The following KRT74 variants were observed in gnomAD, a reference collection of about 807,000 sequenced individuals.
KRT74 encodes the protein keratin, type II cytoskeletal 74.
In KRT74, 43 loss-of-function variants were observed where a neutral mutation model predicts 42.7. The observed-to-expected ratio is 1.01, with a 90% CI of 0.79 to 1.30. KRT74 has a LOEUF of 1.30. Among genes scored for constraint, KRT74 ranks in the 50% most tolerant of loss-of-function variants. KRT74 has a pLI of 0.00. For missense variants in KRT74, 736 were observed against 689.1 expected (o/e 1.07, Z -0.76); for synonymous variants, 302 against 279.0 (o/e 1.08, Z -0.82).
chr12:52,567,589 T>C (rs1488632478), intron 8 of KRT74, 70 bp downstream of exon 8: 1 of 1,102,354 alleles, frequency 9.1e-7, no homozygotes, highest in Non-Finnish European at 1.4e-6. Context: ...AGACAGTAAA[T>C]GGAGGTGACA....
chr12:52,571,916 C>T, intron 3 of KRT74, 28 bp downstream of exon 3: 2 of 1,426,686 alleles, frequency 1.4e-6, no homozygotes, highest in Non-Finnish European at 2.0e-6. Flanking sequence ...GCGAGAGACC[C>T]TAATAAGGAG....
intron 1 of KRT74, among the ~76,000 whole-genome samples, chr12:52,573,004 T>C (rs1359647367): frequency 6.6e-6 from 1 of 152,210 alleles, no homozygotes; most frequent in Non-Finnish European, 1.5e-5. Context: ...TGGATTCTAT[T>C]AGCCTTTCAT....
In KRT74 at chr12:52,570,835, T is replaced by A. The variant is rs1374023664; in HGVS notation, c.844-2A>T. The A allele has an allele frequency of 6.2e-7, 1 of 1,614,250 alleles. No homozygotes were observed. Among genetic ancestry groups the A allele is most frequent in the Non-Finnish European group, 8.5e-7 (1 of 1,180,034 alleles). On this transcript the variant is annotated splice_acceptor_variant, in intron 4 of 8. Transcript: ENST00000305620. LOFTEE classifies it high-confidence loss of function. ...GTGAGTCTGGATCTGAGCGATCTCC[T>A]GCATTGAGAGAGGAAGACAGATTCA...
intron 5 of KRT74, 137 bp from the exon 6 acceptor site, chr12:52,570,121 G>T: frequency 1.0e-6 from 1 of 972,790 alleles, no homozygotes; most frequent in Non-Finnish European, 1.6e-6. Flanking sequence ...AGGGTCCTGG[G>T]GGCCCAGGTA....
At chr12:52,569,639 A>C (rs1442943660) in intron 6 of KRT74, 2 of 616,582 alleles carry the variant, frequency 3.2e-6, no homozygotes, top group Non-Finnish European at 5.8e-6. Context: ...CTGCAAAATG[A>C]GGAGTCAGAG....
chr12:52,567,207 G>A (rs1939396982), intron 8 of KRT74, 39 bp from the exon 9 acceptor site: 6 of 1,494,576 alleles, frequency 4.0e-6, no homozygotes, highest in Non-Finnish European at 5.4e-6. Flanking sequence ...GAGGAGCAGT[G>A]TCAATCAGCA....
In KRT74 at chr12:52,571,469, C is replaced by A; in HGVS notation, c.748-15G>T. 6.2e-7 allele frequency: 1 copy of A among 1,602,410 alleles called. No individual in the cohort carries two copies. Among genetic ancestry groups the A allele is most frequent in the Non-Finnish European group, 8.6e-7 (1 of 1,169,416 alleles). ...GCATCTGCATCCTGCCAAGAGGCCCCAGAGTCATTGGGGGATGCAACCCTC... is the reference window on the plus strand; with the variant it reads ...GCATCTGCATCCTGCCAAGAGGCCCAAGAGTCATTGGGGGATGCAACCCTC... On this transcript the variant is annotated splice_polypyrimidine_tract_variant and intron_variant, in intron 3 of 8. Transcript: ENST00000305620.
chr12:52,567,728 C>T, intron 7 of KRT74, 35 bp from the exon 8 acceptor site: 1 of 1,556,042 alleles, frequency 6.4e-7, no homozygotes. Context: ...GATAAAAACT[C>T]AGTGTCGAGA....
intron 4 of KRT74, 124 bp from the exon 5 acceptor site, chr12:52,570,957 G>A: frequency 1.8e-6 from 2 of 1,095,576 alleles, no homozygotes; most frequent in Non-Finnish European, 2.7e-6. Context: ...AAAGTAGGGG[G>A]AAGAAGTGCC....
chr12:52,571,559 A>C, intron 3 of KRT74, 105 bp from the exon 4 acceptor site: 4 of 824,366 alleles, frequency 4.9e-6, no homozygotes, highest in Non-Finnish European at 8.3e-6. Flanking sequence ...TCTACCCACA[A>C]AGGAAAGCTC....
chr12:52,572,695 A>G, intron 1 of KRT74, 28 bp from the exon 2 acceptor site: 1 of 1,601,734 alleles, frequency 6.2e-7, no homozygotes, highest in Non-Finnish European at 8.6e-7. Context: ...AGACACCTGG[A>G]ACCACAATGG....
chr12:52,569,645 C>A, intron 6 of KRT74: 1 of 625,134 alleles, frequency 1.6e-6, no homozygotes, highest in South Asian at 1.9e-5. Flanking sequence ...AATGAGGAGT[C>A]AGAGAAATAG....
rs777665234 is a variant in KRT74, at chr12:52,573,530, C to T, written c.248G>A (p.Gly83Glu). The T allele has an allele frequency of 1.4e-5, 23 of 1,614,008 alleles. No individual in the cohort carries two copies. The highest frequency in any genetic ancestry group is 1.9e-5 in the Non-Finnish European group (22 of 1,180,042). The change falls in exon 1 of 9, where the codon GGG becomes GAG. Residue 83 changes from glycine (G) to glutamate (E), a missense_variant. Coordinates refer to ENST00000305620, the MANE Select transcript of KRT74 (RefSeq NM_175053.4). ...YGFRPGSGYGGGRASGFAGSM... is the reference protein window; with the variant it reads ...YGFRPGSGYGEGRASGFAGSM... ...GCCAGCAAAGCCACTGGCCCGGCCC[C>T]CTCCATACCCAGAGCCAGGCCTGAA...
At position 52,573,558 on chromosome 12, in the gene KRT74, C is replaced by G. The variant is rs143189278; in HGVS notation, c.220G>C (p.Gly74Arg). Residue 74 changes from glycine (G) to arginine (R), a missense_variant, in exon 1 of 9, where the codon GGC becomes CGC. Transcript: ENST00000305620. ...AGGGVRAGGY[G>R]FRPGSGYGGG... is the part of the protein sequence containing the mutation. ...CCATACCCAGAGCCAGGCCTGAAGC[C>G]GTAACCTCCAGCCCGAACGCCGCCA... The G allele has an allele frequency of 1.1e-4, 177 of 1,613,972 alleles. No homozygotes were observed. The highest frequency in any genetic ancestry group is 1.4e-4 in the Non-Finnish European group (170 of 1,180,034).
chr12:52,570,559 C>G lies in KRT74; in HGVS notation c.1008+110G>C, dbSNP rs55853228. The G allele has an allele frequency of 2.5e-6, 3 of 1,207,908 alleles. No homozygotes were observed. The South Asian group carries it at 3.9e-5, about 16-fold the overall frequency. The allele number at this position is 1,207,908 out of a possible 1,614,324, so 74.8% of individuals were successfully genotyped here. A position where few individuals can be genotyped will look rare whatever the true frequency, so the allele number is the denominator to read the frequency against. ...TTTTTCCTTGAAGCCTTGGTTGGAA[C>G]CTTTCTTTCATTCAGCATGCCCACA... On this transcript the variant is annotated intron_variant, in intron 5 of 8. Transcript: ENST00000305620.
In KRT74 at chr12:52,568,311, C is replaced by G; in HGVS notation, c.1213G>C (p.Asp405His). The change falls in exon 7 of 9, where the codon GAT becomes CAT. Residue 405 changes from aspartate to histidine, a missense_variant. Coordinates refer to ENST00000305620, the MANE Select transcript of KRT74 (RefSeq NM_175053.4). Reference sequence around the variant, plus strand: ...TGGTGCAGGGCGCCCTCCAGCTCATCCAGCTTGGCCTGGGCATCCTTCAGG... The same window carrying G: ...TGGTGCAGGGCGCCCTCCAGCTCATGCAGCTTGGCCTGGGCATCCTTCAGG... ...NALKDAQAKL[D>H]ELEGALHQAK... is the part of the protein sequence containing the mutation. 6 of 1,614,244 alleles carry G rather than the reference C, an allele frequency of 3.7e-6. No homozygotes were observed. Among genetic ancestry groups the G allele is most frequent in the Non-Finnish European group, 5.1e-6 (6 of 1,180,056 alleles).
Position 52,572,360 on chromosome 12 carries a change from TC to T in KRT74, c.686+92del, listed in dbSNP as rs34211466. 186,238 of 1,327,948 alleles carry T rather than the reference TC, an allele frequency of 0.14. 15,204 individuals are homozygous for T. The highest frequency in any genetic ancestry group is 0.33 in the East Asian group (14,426 of 43,414). 82.3% of individuals were successfully genotyped at this position (1,327,948 alleles called of 1,614,324 possible). A position where few individuals can be genotyped will look rare whatever the true frequency, so the allele number is the denominator to read the frequency against. ...GTGAGCTCCTGACCCTGGTGCATAC[TC>T]CCCCATCTCCTAAAAAATAATGGCA... On this transcript the variant is annotated intron_variant, in intron 2 of 8. Transcript: ENST00000305620.
Position 52,572,629 on chromosome 12 carries a change from G to A in KRT74, c.510C>T (p.Thr170=), listed in dbSNP as rs544249007. The A allele has an allele frequency of 5.8e-5, 94 of 1,614,174 alleles. 2 individuals carry two copies. In the South Asian group the frequency reaches 9.9e-4, roughly 17 times the overall value. Residue 170 remains threonine (T), a synonymous_variant, in exon 2 of 9, where the codon ACC becomes ACT. Coordinates refer to ENST00000305620, the MANE Select transcript of KRT74 (RefSeq NM_175053.4). ...FLEQQNQVLE[T]KWELLQQLDL... ...CCAGCTGCTGCAGCAGCTCCCACTTGGTTTCTAGAACCTGGTTCTGCTGCT... is the reference window on the plus strand; with the variant it reads ...CCAGCTGCTGCAGCAGCTCCCACTTAGTTTCTAGAACCTGGTTCTGCTGCT...
In KRT74 at chr12:52,567,033, T is replaced by C; in HGVS notation, c.1526A>G (p.Asp509Gly). The change falls in exon 9 of 9, where the codon GAC becomes GGC. Residue 509 changes from aspartate (D) to glycine (G), a missense_variant. Physicochemically the swap from Asp to Gly is moderately conservative, Grantham distance 94. Transcript: ENST00000305620. Reference protein sequence around the residue: ...QTKTTEARGGDLKDTQGKSTP... With the variant: ...QTKTTEARGGGLKDTQGKSTP... ...GCTCTTGCCCTGGGTGTCCTTGAGG[T>C]CTCCCCCTCGCGCCTCTGTGGTCTT... The C allele has an allele frequency of 1.9e-6, 3 of 1,600,912 alleles. No individual in the cohort carries two copies. Among genetic ancestry groups the C allele is most frequent in the Non-Finnish European group, 2.6e-6 (3 of 1,171,678 alleles).
Sources: allele counts gnomAD v4.1 joint callset (sites outside exome capture counted in the v4.1 genomes callset), GRCh38; gene constraint gnomAD v4.1.1; transcripts MANE v1.5; gene names NCBI Gene and HGNC (gene_info 2026-07-23, HGNC 2026-07-21).